The following SLF1 variants were observed in gnomAD, a reference collection of about 807,000 sequenced individuals.
The protein encoded by SLF1 is SMC5-SMC6 complex localization factor protein 1.
In SLF1, 105 loss-of-function variants were observed where a neutral mutation model predicts 123.0. That is an observed-to-expected ratio of 0.85 (90% CI 0.73 to 1.00). SLF1 has a LOEUF of 1.00. Ranked by LOEUF, SLF1 falls within the 50% of genes least tolerant of loss-of-function variation. SLF1 has a pLI of 0.00. For missense variants in SLF1, 1,239 were observed against 1,223.0 expected (o/e 1.01, Z -0.20); for synonymous variants, 434 against 406.6 (o/e 1.07, Z -0.81).
chr5:94,677,421 T>G (rs552663237), intron 14 of SLF1, among the ~76,000 whole-genome samples: 1 of 152,162 alleles, frequency 6.6e-6, no homozygotes, highest in Admixed American at 6.5e-5. Context: ...TAATATTAGA[T>G]CTATTAGTTA....
intron 14 of SLF1, among the ~76,000 whole-genome samples, chr5:94,673,322 T>A (rs1396592412): frequency 6.6e-6 from 1 of 152,142 alleles, no homozygotes; most frequent in African/African-American, 2.4e-5. Context: ...TCTCTTTTTT[T>A]TCTGAAATGT....
intron 15 of SLF1, among the ~76,000 whole-genome samples, chr5:94,682,362 T>C (rs1751896788): frequency 6.6e-6 from 1 of 151,470 alleles, no homozygotes; most frequent in Non-Finnish European, 1.5e-5. Flanking sequence ...CGGATATTCC[T>C]TTTAAAAAAA....
At chr5:94,671,616 T>G (rs59758397) in intron 14 of SLF1, among the ~76,000 whole-genome samples, 4,678 of 151,594 alleles carry the variant, frequency 0.031, 244 homozygotes, top group African/African-American at 0.11. Context: ...TCTCCTTTTT[T>G]GCGTTACATC....
chr5:94,677,424 A>C (rs931698186), intron 14 of SLF1, among the ~76,000 whole-genome samples: 5 of 152,182 alleles, frequency 3.3e-5, no homozygotes, highest in African/African-American at 1.2e-4. Context: ...TATTAGATCT[A>C]TTAGTTATAG....
chr5:94,666,099 A>G lies in SLF1; in HGVS notation c.1532+75A>G, dbSNP rs1012165968. Reference sequence around the variant, plus strand: ...TGCTAATTATTTTTTTAAGATACTGATGAAAGAAGTATCTTTCTACTTTTG... The same window carrying G: ...TGCTAATTATTTTTTTAAGATACTGGTGAAAGAAGTATCTTTCTACTTTTG... On this transcript the variant is annotated intron_variant, in intron 12 of 20. Coordinates refer to ENST00000265140, the MANE Select transcript of SLF1 (RefSeq NM_032290.4). 1.2e-5 allele frequency: 15 copies of G among 1,292,880 alleles called. No individual in the cohort carries two copies. The African/African-American group carries it at 2.3e-4, about 19-fold the overall frequency. 80.1% of individuals were successfully genotyped at this position (1,292,880 alleles called of 1,614,324 possible).
intron 10 of SLF1, 31 bp from the exon 11 acceptor site, chr5:94,663,719 T>C: frequency 6.9e-7 from 1 of 1,453,172 alleles, no homozygotes; most frequent in Non-Finnish European, 9.2e-7. Flanking sequence ...ATCTTTCTTT[T>C]CTCTGAATCA....
chr5:94,651,908 T>C (rs888420218), intron 7 of SLF1, 63 bp downstream of exon 7: 10 of 836,704 alleles, frequency 1.2e-5, no homozygotes, highest in Non-Finnish European at 1.6e-5. Flanking sequence ...AGAACAGTTT[T>C]CTTTAGCTTT....
Position 94,662,288 on chromosome 5 carries a change from T to C in SLF1, c.1156-10T>C. The C allele has an allele frequency of 6.5e-7, 1 of 1,542,304 alleles. No individual in the cohort carries two copies. The highest frequency in any genetic ancestry group is 8.8e-7 in the Non-Finnish European group (1 of 1,142,102). ...AATGTTGTTTTAATTATATGGTTGC[T>C]CTTTTGTAGGCTGTCAGATACAACT... On this transcript the variant is annotated splice_polypyrimidine_tract_variant and intron_variant, in intron 9 of 20. Transcript: ENST00000265140.
chr5:94,672,630 T>C (rs1750604051), intron 14 of SLF1, among the ~76,000 whole-genome samples: 1 of 152,138 alleles, frequency 6.6e-6, no homozygotes, highest in Admixed American at 6.6e-5. Flanking sequence ...GACCATTGCA[T>C]TTAAATTTTT....
rs749114467 is a variant in SLF1, at chr5:94,643,315, T to A, written c.474T>A (p.Ser158Arg). Residue 158 changes from serine (S) to arginine (R), a missense_variant, in exon 5 of 21, where the codon AGT becomes AGA. Ser to Arg is a moderately radical substitution (Grantham distance 110). Coordinates refer to ENST00000265140, the MANE Select transcript of SLF1 (RefSeq NM_032290.4). Reference protein sequence around the residue: ...AGKANVILPKSSPSGITHVIA... With the variant: ...AGKANVILPKRSPSGITHVIA... Reference sequence around the variant, plus strand: ...AGGCAAATGTTATTTTACCAAAAAGTTCACCAAGTGGAATAACTCATGTGA... The same window carrying A: ...AGGCAAATGTTATTTTACCAAAAAGATCACCAAGTGGAATAACTCATGTGA... 28 of 1,542,472 alleles carry A rather than the reference T, an allele frequency of 1.8e-5. No individual in the cohort carries two copies. The highest frequency in any genetic ancestry group is 2.4e-5 in the Non-Finnish European group (28 of 1,143,706).
chr5:94,618,924 G>A (rs1791296321), intron 1 of SLF1, among the ~76,000 whole-genome samples, 159 bp downstream of exon 1: 1 of 152,224 alleles, frequency 6.6e-6, no homozygotes, highest in Non-Finnish European at 1.5e-5. Context: ...GCTTTCTCCA[G>A]CTGCAGTTCG....
chr5:94,688,532 G>A lies in SLF1; in HGVS notation c.2148G>A (p.Gly716=). The A allele has an allele frequency of 3.7e-6, 6 of 1,614,000 alleles. No individual in the cohort carries two copies. The highest frequency in any genetic ancestry group is 5.1e-6 in the Non-Finnish European group (6 of 1,179,922). The change falls in exon 17 of 21, where the codon GGG becomes GGA. Residue 716 remains glycine, a synonymous_variant. Coordinates refer to ENST00000265140, the MANE Select transcript of SLF1 (RefSeq NM_032290.4). ...TATATTCCTATTTACCAGCCTTGGG[G>A]AAAACTGGTGTGCTTGGGTCTGGAA... The part of the protein sequence containing the change: ...KMVYSYLPAL[G]KTGVLGSGKI...
chr5:94,669,807 T>C (rs1481437337), intron 12 of SLF1, among the ~76,000 whole-genome samples: 1 of 151,932 alleles, frequency 6.6e-6, no homozygotes, highest in Non-Finnish European at 1.5e-5. Flanking sequence ...AATTGAGAGG[T>C]TAGCTGGTCA....
chr5:94,652,853 T>G (rs1747903246), intron 7 of SLF1, among the ~76,000 whole-genome samples: 1 of 152,150 alleles, frequency 6.6e-6, no homozygotes, highest in South Asian at 2.1e-4. Context: ...TACGTACTTC[T>G]TTATTTTTAT....
intron 7 of SLF1, 37 bp downstream of exon 7, chr5:94,651,882 T>C (rs1747764200): frequency 1.8e-6 from 2 of 1,137,920 alleles, no homozygotes; most frequent in South Asian, 4.0e-5. Context: ...TTATTTTTAA[T>C]ATATATAGTG....
chr5:94,684,860 G>T (rs148331059), intron 15 of SLF1, among the ~76,000 whole-genome samples: 4 of 152,306 alleles, frequency 2.6e-5, no homozygotes, highest in South Asian at 2.1e-4. Flanking sequence ...ATGACAAGCT[G>T]CCACAAGGCA....
chr5:94,631,779 T>G (rs1745221527), intron 4 of SLF1, among the ~76,000 whole-genome samples: 1 of 152,186 alleles, frequency 6.6e-6, no homozygotes, highest in Non-Finnish European at 1.5e-5. Flanking sequence ...TGAATGAATT[T>G]ATACTGTTTG....
chr5:94,686,999 C>T (rs560485164), intron 16 of SLF1, among the ~76,000 whole-genome samples: 2 of 152,188 alleles, frequency 1.3e-5, no homozygotes, highest in South Asian at 4.1e-4. Flanking sequence ...CTCCTGACCT[C>T]GTGATCTGCC....
rs769960353 is a variant in SLF1, at chr5:94,653,233, A to C, written c.883-39A>C. On this transcript the variant is annotated intron_variant, in intron 7 of 20. Transcript: ENST00000265140. The stretch of plus-strand genomic sequence containing the variant: ...TTATTTGGATTTTGTAACATATGTC[A>C]TTGATGTTGAGATTTAATTGTGGTC... The C allele has an allele frequency of 6.2e-6, 9 of 1,451,694 alleles. No individual in the cohort carries two copies. The East Asian group carries it at 2.1e-4, about 34-fold the overall frequency. 89.9% of individuals were successfully genotyped at this position (1,451,694 alleles called of 1,614,324 possible).
Sources: allele counts gnomAD v4.1 joint callset (sites outside exome capture counted in the v4.1 genomes callset), GRCh38; gene constraint gnomAD v4.1.1; transcripts MANE v1.5; gene names NCBI Gene and HGNC (gene_info 2026-07-23, HGNC 2026-07-21).